Variants in AGBL4 observed in about 807,000 individuals in gnomAD.
AGBL4 encodes cytosolic carboxypeptidase 6.
AGBL4 carries 58 observed loss-of-function variants against 66.4 expected under a neutral mutation model. That is an observed-to-expected ratio of 0.87 (90% CI 0.71 to 1.09). The LOEUF (loss-of-function observed/expected upper bound fraction) is 1.09, where lower values mean the gene tolerates loss of function less well. Among genes scored for constraint, AGBL4 ranks in the 50% least tolerant of loss-of-function variants. The probability of loss-of-function intolerance (pLI) is 0.00; values close to 1 mark genes in which losing one functional copy is unlikely to be tolerated. For synonymous variants in AGBL4, 234 were observed against 222.9 expected, an observed-to-expected ratio of 1.05 and a Z score of -0.44; for missense variants, 579 against 631.0, an observed-to-expected ratio of 0.92 and a Z score of 0.88.
At chr1:49,229,745 T>C (rs1381541799) in intron 4 of AGBL4, among the ~76,000 whole-genome samples, 1 of 152,152 alleles carries the variant, frequency 6.6e-6, no homozygotes, top group Non-Finnish European at 1.5e-5. Context: ...CCAGATCTGC[T>C]TTGGGAAGTG....
chr1:49,569,874 T>C (rs954325725), intron 3 of AGBL4, among the ~76,000 whole-genome samples: 5 of 152,168 alleles, frequency 3.3e-5, no homozygotes, highest in Admixed American at 3.3e-4. Context: ...CTTAAGATAA[T>C]GGCCTCCAGT....
chr1:49,425,931 C>G (rs934797055), intron 3 of AGBL4, among the ~76,000 whole-genome samples: 8 of 152,320 alleles, frequency 5.3e-5, no homozygotes, highest in Admixed American at 6.5e-5. Flanking sequence ...GAAACTGAGG[C>G]TCTGTGACGC....
rs1643918564 is a variant in AGBL4, at chr1:48,533,181, T to C, written c.*992A>G. 2 of 152,166 alleles carry C rather than the reference T, an allele frequency of 1.3e-5. No individual in the cohort carries two copies. Among genetic ancestry groups the C allele is most frequent in the South Asian group, 4.1e-4 (2 of 4,824 alleles). The allele number at this position is 152,166 out of a possible 1,614,324, so 9.4% of individuals were successfully genotyped here. A position where few individuals can be genotyped will look rare whatever the true frequency, so the allele number is the denominator to read the frequency against. On this transcript the variant is annotated 3_prime_UTR_variant, in exon 14 of 14. Coordinates refer to ENST00000371839, the MANE Select transcript of AGBL4 (RefSeq NM_032785.4). ...GGTCATTTTAATTAGCAGGCTGTCA[T>C]GGTGACTCAGCCTGCTGTTTCCACA...
intron 4 of AGBL4, among the ~76,000 whole-genome samples, chr1:49,124,866 T>C (rs2148053555): frequency 6.6e-6 from 1 of 152,290 alleles, no homozygotes; most frequent in African/African-American, 2.4e-5. Flanking sequence ...AAAATAGTCG[T>C]ACAAAATAAA....
At chr1:49,346,639 C>A (rs1645638235) in intron 3 of AGBL4, among the ~76,000 whole-genome samples, 1 of 152,160 alleles carries the variant, frequency 6.6e-6, no homozygotes, top group South Asian at 2.1e-4. Flanking sequence ...TGGTCCTCAC[C>A]ATACTGATAC....
At chr1:48,580,519 T>C (rs1236132360) in intron 11 of AGBL4, among the ~76,000 whole-genome samples, 1 of 152,168 alleles carries the variant, frequency 6.6e-6, no homozygotes, top group African/African-American at 2.4e-5. Flanking sequence ...GGTTTTTACT[T>C]AGAAGAGGTT....
chr1:49,617,812 A>T (rs185768655), intron 3 of AGBL4, among the ~76,000 whole-genome samples: 4 of 152,386 alleles, frequency 2.6e-5, no homozygotes, highest in Non-Finnish European at 5.9e-5. Flanking sequence ...AATAATAGAC[A>T]GTCCAGTTTG....
At chr1:48,713,250 G>C (rs536116064) in intron 6 of AGBL4, among the ~76,000 whole-genome samples, 2 of 152,332 alleles carry the variant, frequency 1.3e-5, no homozygotes, top group South Asian at 4.1e-4. Context: ...CTGGACTCAG[G>C]GAGTTTCCAG....
At chr1:49,262,159 T>G (rs1447127156) in intron 3 of AGBL4, among the ~76,000 whole-genome samples, 2 of 152,010 alleles carry the variant, frequency 1.3e-5, no homozygotes, top group Non-Finnish European at 2.9e-5. Flanking sequence ...AAAAATCAAT[T>G]CAAGATGGAT....
intron 11 of AGBL4, among the ~76,000 whole-genome samples, chr1:48,564,758 T>TCAAC (rs1243277777): frequency 2.0e-5 from 3 of 152,220 alleles, no homozygotes; most frequent in East Asian, 3.9e-4. Flanking sequence ...AACTCAAAAC[T>TCAAC]CAACCAACCA....
chr1:48,525,830 G>T, the AGBL4 span, among the ~76,000 whole-genome samples: 1 of 152,212 alleles, frequency 6.6e-6, no homozygotes, highest in Admixed American at 6.5e-5. Context: ...TAGAGGAAGA[G>T]GAAGACTTTG....
chr1:49,151,561 G>C (rs1450682606), intron 4 of AGBL4, among the ~76,000 whole-genome samples: 3 of 147,054 alleles, frequency 2.0e-5, no homozygotes, highest in Non-Finnish European at 3.0e-5. Context: ...TTGTGGAATT[G>C]TTGACAGTTA....
At chr1:48,620,097 G>A (rs184224936) in intron 9 of AGBL4, among the ~76,000 whole-genome samples, 2 of 152,074 alleles carry the variant, frequency 1.3e-5, no homozygotes, top group East Asian at 1.9e-4. Context: ...AATTGAAACC[G>A]ACAAATGCAG....
At chr1:50,009,537 A>C (rs1345163011) in intron 1 of AGBL4, among the ~76,000 whole-genome samples, 1 of 152,110 alleles carries the variant, frequency 6.6e-6, no homozygotes, top group Non-Finnish European at 1.5e-5. Flanking sequence ...AAAAAACCTA[A>C]AGACAGACCA....
chr1:48,561,026 C>T (rs1557786742), intron 11 of AGBL4, among the ~76,000 whole-genome samples: 1 of 152,222 alleles, frequency 6.6e-6, no homozygotes, highest in Admixed American at 6.5e-5. Flanking sequence ...TACTGCAGTG[C>T]TAGTCATTCC....
chr1:49,363,781 T>A (rs1392868882), intron 3 of AGBL4, among the ~76,000 whole-genome samples: 1 of 152,196 alleles, frequency 6.6e-6, no homozygotes, highest in Non-Finnish European at 1.5e-5. Context: ...ATTCATTCAG[T>A]GAGTAAACAA....
At position 48,699,614 on chromosome 1, in the gene AGBL4, T is replaced by A. The variant is rs141714964; in HGVS notation, c.635-36373A>T. On this transcript the variant is annotated intron_variant, in intron 6 of 13. Transcript: ENST00000371839. Reference sequence around the variant, plus strand: ...CCAACAGCTCTCAATCAATGACTGATGAGAATTTGTGAATAAATTACCCTG... The same window carrying A: ...CCAACAGCTCTCAATCAATGACTGAAGAGAATTTGTGAATAAATTACCCTG... 3.7e-3 allele frequency among the ~76,000 whole-genome samples: 562 copies of A among 152,310 alleles called. 7 individuals are homozygous for A. The highest frequency in any genetic ancestry group is 0.019 in the East Asian group (98 of 5,166).
At chr1:49,795,393 AT>A (rs535959873) in intron 2 of AGBL4, among the ~76,000 whole-genome samples, 2 of 151,966 alleles carry the variant, frequency 1.3e-5, no homozygotes, top group African/African-American at 2.4e-5. Context: ...TATCTCAATG[AT>A]TTTTTTAATA....
At chr1:49,937,042 G>T (rs1354725119) in intron 1 of AGBL4, among the ~76,000 whole-genome samples, 1 of 152,104 alleles carries the variant, frequency 6.6e-6, no homozygotes, top group African/African-American at 2.4e-5. Flanking sequence ...GACACAGACT[G>T]GCAAATTGAA....
Sources: allele counts gnomAD v4.1 joint callset (sites outside exome capture counted in the v4.1 genomes callset), GRCh38; gene constraint gnomAD v4.1.1; transcripts MANE v1.5; gene names NCBI Gene and HGNC (gene_info 2026-07-23, HGNC 2026-07-21).